The following KDELR1 variants were observed in gnomAD, a reference collection of about 807,000 sequenced individuals.
KDELR1 encodes the protein ER lumen protein-retaining receptor 1.
Under a neutral mutation model 25.5 loss-of-function variants are expected in KDELR1, and 16 were observed. That is an observed-to-expected ratio of 0.63 (90% CI 0.43 to 0.95). The LOEUF is 0.95. KDELR1 is among the 40% of genes least tolerant of loss of function. The probability of loss-of-function intolerance (pLI) is 0.00; values close to 1 mark genes in which losing one functional copy is unlikely to be tolerated. For missense variants in KDELR1, 159 were observed against 265.2 expected, an observed-to-expected ratio of 0.60 and a Z score of 2.78; for synonymous variants, 121 against 115.0, an observed-to-expected ratio of 1.05 and a Z score of -0.33.
At chr19:48,390,589 C>CAGACAG in intron 1 of KDELR1, 65 bp from the exon 2 acceptor site, 1 of 941,584 alleles carries the variant, frequency 1.1e-6, no homozygotes, top group South Asian at 1.5e-5. Context: ...GACAGACAGA[C>CAGACAG]AGACAGACAG....
upstream of KDELR1, among the ~76,000 whole-genome samples, chr19:48,393,115 G>C (rs1211988678): frequency 6.6e-6 from 1 of 152,160 alleles, no homozygotes; most frequent in African/African-American, 2.4e-5. The surrounding 1 kb of genome is among the most constrained non-coding windows in gnomAD (Gnocchi z 5.6). Context: ...GGTCCCTGAG[G>C]GTGGCTTGTA....
At chr19:48,390,005 A>C (rs1600958831) in intron 2 of KDELR1, among the ~76,000 whole-genome samples, 1 of 74,728 alleles carries the variant, frequency 1.3e-5, no homozygotes, top group Non-Finnish European at 2.7e-5. Flanking sequence ...CCAGGCCCCC[A>C]GCCCCTCCTC....
In KDELR1 at chr19:48,384,101, C is replaced by T; in HGVS notation, c.604+129G>A. 3.3e-6 allele frequency: 4 copies of T among 1,198,318 alleles called. No homozygotes were observed. The highest frequency in any genetic ancestry group is 3.0e-5 in the African/African-American group (2 of 65,600). The allele number at this position is 1,198,318 out of a possible 1,614,324, so 74.2% of individuals were successfully genotyped here. ...TCCTAGGAGGATGGTAGGCCTGCCA[C>T]CCCAGAAACCCGGCGAAGAAATGCT... On this transcript the variant is annotated intron_variant, in intron 4 of 4. Transcript: ENST00000330720. The surrounding 1 kb of genome is among the most constrained non-coding windows in gnomAD (Gnocchi z 4.6).
chr19:48,389,202 G>A (rs553327759), intron 3 of KDELR1, among the ~76,000 whole-genome samples: 253 of 152,226 alleles, frequency 1.7e-3, no homozygotes, highest in African/African-American at 5.7e-3. Context: ...CCTGGGAGGC[G>A]GGGGTTGCAG....
chr19:48,388,705 G>GAAAGGAAGA (rs146404477), intron 3 of KDELR1, among the ~76,000 whole-genome samples: 1 of 145,008 alleles, frequency 6.9e-6, no homozygotes, highest in Admixed American at 7.1e-5. Context: ...AAAAAAGAAA[G>GAAAGGAAGA]AAAGGAAGAA....
At chr19:48,394,461 G>A (rs1163120459), upstream of KDELR1, among the ~76,000 whole-genome samples, 3 of 145,050 alleles carry the variant, frequency 2.1e-5, no homozygotes, top group Non-Finnish European at 3.1e-5. This position sits in a 1 kb window ranked among gnomAD's most constrained non-coding sequence, Gnocchi z 5.1. Context: ...AAGGGGGGGT[G>A]GGGGGGCTGA....
chr19:48,395,700 G>A (rs1179741021), upstream of KDELR1, among the ~76,000 whole-genome samples: 1 of 152,070 alleles, frequency 6.6e-6, no homozygotes, highest in Admixed American at 6.5e-5. Flanking sequence ...GCTATGTACA[G>A]GATCTAAGTG....
At chr19:48,394,675 C>T (rs968981459), upstream of KDELR1, among the ~76,000 whole-genome samples, 6 of 152,176 alleles carry the variant, frequency 3.9e-5, no homozygotes, top group African/African-American at 7.2e-5. The surrounding 1 kb of genome is among the most constrained non-coding windows in gnomAD (Gnocchi z 5.1). Flanking sequence ...TGTGTAGCCA[C>T]GTCCTCGCCT....
intron 3 of KDELR1, 62 bp downstream of exon 3, chr19:48,389,491 C>T: frequency 6.3e-7 from 1 of 1,593,730 alleles, no homozygotes; most frequent in Non-Finnish European, 8.6e-7. Context: ...GAGAGGGTCT[C>T]CTGTCATAGC....
At chr19:48,390,553 G>A in intron 1 of KDELR1, 29 bp from the exon 2 acceptor site, 1 of 1,403,204 alleles carries the variant, frequency 7.1e-7, no homozygotes, top group Non-Finnish European at 1.0e-6. Flanking sequence ...GAAAGAGAGA[G>A]AGAGAGAGAC....
intron 1 of KDELR1, 106 bp downstream of exon 1, chr19:48,391,162 G>T: frequency 1.1e-6 from 1 of 933,670 alleles, no homozygotes. Context: ...AGCAGTGGGG[G>T]TGGAACCTGT....
At chr19:48,391,244 C>T in intron 1 of KDELR1, 24 bp downstream of exon 1, 1 of 1,548,496 alleles carries the variant, frequency 6.5e-7, no homozygotes, top group Non-Finnish European at 8.7e-7. Flanking sequence ...CTCTCTCCTT[C>T]GCCAGCCCTG....
chr19:48,385,758 A>G (rs949788007), intron 3 of KDELR1, among the ~76,000 whole-genome samples: 3 of 152,334 alleles, frequency 2.0e-5, no homozygotes, highest in Admixed American at 6.5e-5. Flanking sequence ...GGACCTATTC[A>G]TAACAACTCA....
chr19:48,396,196 G>T (rs1246853391), upstream of KDELR1, among the ~76,000 whole-genome samples: 1 of 151,948 alleles, frequency 6.6e-6, no homozygotes, highest in Non-Finnish European at 1.5e-5. Context: ...GCGGGGGGTT[G>T]TCCAGAGGCT....
At chr19:48,388,459 G>C (rs1970512599) in intron 3 of KDELR1, among the ~76,000 whole-genome samples, 1 of 152,162 alleles carries the variant, frequency 6.6e-6, no homozygotes, top group Non-Finnish European at 1.5e-5. Context: ...GCTGAGGAGA[G>C]TGGATCACCT....
At position 48,391,362 on chromosome 19, in the gene KDELR1, T is replaced by C. The variant is rs761120739; in HGVS notation, c.-4A>G. ...CCAGGAATCGGAAGAGATTCATGGCTGGGGAACCCTGGCAGGGCTGAGCGG... is the reference window on the plus strand; with the variant it reads ...CCAGGAATCGGAAGAGATTCATGGCCGGGGAACCCTGGCAGGGCTGAGCGG... On this transcript the variant is annotated 5_prime_UTR_variant, in exon 1 of 5. Transcript: ENST00000330720. 11 of 1,551,472 alleles carry C rather than the reference T, an allele frequency of 7.1e-6. No homozygotes were observed. The highest frequency in any genetic ancestry group is 2.0e-5 in the Admixed American group (1 of 51,098).
chr19:48,388,712 A>C (rs1026843596), intron 3 of KDELR1, among the ~76,000 whole-genome samples: 3 of 100,746 alleles, frequency 3.0e-5, no homozygotes, highest in African/African-American at 1.4e-4. Context: ...AAAGAAAGGA[A>C]GAAAAGGAAG....
upstream of KDELR1, among the ~76,000 whole-genome samples, chr19:48,392,367 C>T (rs575504482): frequency 2.7e-5 from 4 of 150,056 alleles, no homozygotes; most frequent in East Asian, 8.0e-4. Context: ...GCCCCAGCCC[C>T]TCCTCCCTCA....
In KDELR1 at chr19:48,383,214, G is replaced by A; in HGVS notation, c.*79C>T. 1 of 1,460,928 alleles carries A rather than the reference G, an allele frequency of 6.8e-7. No homozygotes were observed. The highest frequency in any genetic ancestry group is 9.4e-7 in the Non-Finnish European group (1 of 1,064,954). The allele number at this position is 1,460,928 out of a possible 1,614,324, so 90.5% of individuals were successfully genotyped here. Reference sequence around the variant, plus strand: ...GTGGGTTCTTAAAAAAGTCACCCCTGGATGGGAAAGCTCTTCATCTTCTGC... The same window carrying A: ...GTGGGTTCTTAAAAAAGTCACCCCTAGATGGGAAAGCTCTTCATCTTCTGC... On this transcript the variant is annotated 3_prime_UTR_variant, in exon 5 of 5. Transcript: ENST00000330720.
Sources: gnomAD v4.1 joint callset for allele counts (sites outside exome capture counted in the v4.1 genomes callset) on GRCh38, gnomAD v4.1.1 for gene constraint, Gnocchi (gnomAD v3.1) non-coding constraint, MANE v1.5 for transcripts, NCBI Gene and HGNC (gene_info 2026-07-23, HGNC 2026-07-21) for gene names.